KIAA1549: variants seen among roughly 807,000 people sequenced by gnomAD.
KIAA1549 encodes KIAA1549.
In KIAA1549, 70 loss-of-function variants were observed where a neutral mutation model predicts 156.4. That is an observed-to-expected ratio of 0.45 (90% CI 0.37 to 0.55). The LOEUF (loss-of-function observed/expected upper bound fraction) is 0.55, where lower values mean the gene tolerates loss of function less well. Among genes scored for constraint, KIAA1549 ranks in the 20% least tolerant of loss-of-function variants. The pLI, the probability that KIAA1549 is intolerant of heterozygous loss-of-function variation, is 0.00. For synonymous variants in KIAA1549, 1,103 were observed against 1,066.4 expected, an observed-to-expected ratio of 1.03 and a Z score of -0.67; for missense variants, 2,428 against 2,540.9, an observed-to-expected ratio of 0.96 and a Z score of 0.96.
In KIAA1549 at chr7:138,831,438, T is replaced by C. The variant is rs140461573; in HGVS notation, c.*6468A>G. 6 of 204,966 alleles carry C rather than the reference T, an allele frequency of 2.9e-5. No individual in the cohort carries two copies. Among genetic ancestry groups the C allele is most frequent in the Non-Finnish European group, 6.0e-5 (6 of 100,154 alleles). 12.7% of individuals were successfully genotyped at this position (204,966 alleles called of 1,614,324 possible). ...TCCATTTAAAATGCTAGGAAAGCTG[T>C]ATAAATTGTAAACATGGAAACCAAA... On this transcript the variant is annotated 3_prime_UTR_variant, in exon 20 of 20. Coordinates refer to ENST00000422774, the MANE Select transcript of KIAA1549 (RefSeq NM_001164665.2).
chr7:138,870,053 G>A (rs1810882827), intron 13 of KIAA1549, among the ~76,000 whole-genome samples: 1 of 152,038 alleles, frequency 6.6e-6, no homozygotes, highest in African/African-American at 2.4e-5. Flanking sequence ...GTTTCTCTAT[G>A]TTGGCCAGGC....
chr7:138,932,420 C>T (rs567418479), intron 1 of KIAA1549, among the ~76,000 whole-genome samples: 6 of 152,034 alleles, frequency 3.9e-5, no homozygotes, highest in Non-Finnish European at 8.8e-5. Flanking sequence ...TATTTTTAAA[C>T]TCTAAAGTAG....
At chr7:138,894,599 GAGAAACTC>G in intron 9 of KIAA1549, 73 bp from the exon 10 acceptor site, 1 of 1,436,502 alleles carries the variant, frequency 7.0e-7, no homozygotes, top group East Asian at 2.3e-5. Flanking sequence ...TGTCTTCTAT[GAGAAACTC>G]AGAAGTCCCT....
At chr7:138,927,040 T>C (rs1812739559) in intron 1 of KIAA1549, among the ~76,000 whole-genome samples, 1 of 152,228 alleles carries the variant, frequency 6.6e-6, no homozygotes, top group South Asian at 2.1e-4. Flanking sequence ...TCTTCAGCTT[T>C]GTATGTTCTT....
intron 16 of KIAA1549, 55 bp from the exon 17 acceptor site, chr7:138,852,324 G>T: frequency 8.4e-7 from 1 of 1,190,286 alleles, no homozygotes; most frequent in Non-Finnish European, 1.2e-6. Context: ...ATTATAAAGT[G>T]ACAACAGCAA....
chr7:138,901,431 T>C (rs1194351402), intron 8 of KIAA1549, among the ~76,000 whole-genome samples: 2 of 151,870 alleles, frequency 1.3e-5, no homozygotes, highest in African/African-American at 2.4e-5. Context: ...GTTCAAGTGA[T>C]TCTCATGCCT....
At chr7:138,840,109 A>G in intron 19 of KIAA1549, 24 bp downstream of exon 19, 1 of 1,539,928 alleles carries the variant, frequency 6.5e-7, no homozygotes, top group Non-Finnish European at 8.8e-7. Context: ...ATTTTAAATG[A>G]TGACCCAAAC....
intron 1 of KIAA1549, among the ~76,000 whole-genome samples, chr7:138,946,302 C>T (rs976189927): frequency 1.3e-5 from 2 of 152,112 alleles, no homozygotes; most frequent in Non-Finnish European, 2.9e-5. Context: ...TGCAGAGGAA[C>T]CAGTGGCCTT....
At chr7:138,933,982 A>G (rs972206067) in intron 1 of KIAA1549, among the ~76,000 whole-genome samples, 4 of 152,144 alleles carry the variant, frequency 2.6e-5, no homozygotes, top group African/African-American at 7.2e-5. Context: ...AATAATAGTA[A>G]AATAAATAAA....
intron 1 of KIAA1549, among the ~76,000 whole-genome samples, chr7:138,931,773 A>G (rs921855519): frequency 1.8e-3 from 267 of 147,234 alleles, no homozygotes; most frequent in Non-Finnish European, 2.9e-3. Flanking sequence ...AAAAAAAAAA[A>G]GAAGGTCTTG....
At chr7:138,876,388 T>C (rs1405149961) in intron 12 of KIAA1549, 1 of 152,256 alleles carries the variant, frequency 6.6e-6, no homozygotes, top group African/African-American at 2.4e-5. Flanking sequence ...CCAATATGCA[T>C]GTCATCCTTG....
At chr7:138,890,247 G>A (rs6467815) in intron 10 of KIAA1549, among the ~76,000 whole-genome samples, 73,983 of 152,082 alleles carry the variant, frequency 0.49, 19,643 homozygotes, top group African/African-American at 0.71. Flanking sequence ...CATAAATACA[G>A]TACAGCCCAG....
chr7:138,883,853 G>T (rs1811316421), intron 10 of KIAA1549, among the ~76,000 whole-genome samples: 1 of 152,130 alleles, frequency 6.6e-6, no homozygotes, highest in Non-Finnish European at 1.5e-5. Flanking sequence ...ACACTTCTCT[G>T]GTCTTCATCC....
In KIAA1549 at chr7:138,907,083, C is replaced by G; in HGVS notation, c.3296G>C (p.Ser1099Thr). The G allele has an allele frequency of 6.3e-7, 1 of 1,596,274 alleles. No individual in the cohort carries two copies. Among genetic ancestry groups the G allele is most frequent in the East Asian group, 2.2e-5 (1 of 44,460 alleles). ...CCGCCGAGGAGTCACCCTTGAGGAA[C>G]TGATGGTGATATTCAAGATCTGAAA... ...LTVQILNITI[S>T]SSRVTPRRGP... The change falls in exon 6 of 20, where the codon AGT becomes ACT. Residue 1099 changes from serine (S) to threonine (T), a missense_variant. Physicochemically the swap from Ser to Thr is moderately conservative, Grantham distance 58. Transcript: ENST00000422774.
intron 1 of KIAA1549, among the ~76,000 whole-genome samples, chr7:138,948,737 G>A (rs1345986436): frequency 1.3e-5 from 2 of 150,652 alleles, no homozygotes; most frequent in Non-Finnish European, 2.9e-5. Flanking sequence ...TCATTGCCCA[G>A]GCTGGAGTGC....
Position 138,837,876 on chromosome 7 carries a change from A to C in KIAA1549, c.*30T>G, listed in dbSNP as rs766518779. ...TTGGTCTTGCTTCCACAGGAAGCGGATACTTGGCAAATCTGCGAGGCGAGG... is the reference window on the plus strand; with the variant it reads ...TTGGTCTTGCTTCCACAGGAAGCGGCTACTTGGCAAATCTGCGAGGCGAGG... On this transcript the variant is annotated 3_prime_UTR_variant, in exon 20 of 20. Transcript: ENST00000422774. 2.9e-5 allele frequency: 46 copies of C among 1,606,298 alleles called. No individual in the cohort carries two copies. The highest frequency in any genetic ancestry group is 3.8e-5 in the Non-Finnish European group (45 of 1,176,408).
intron 1 of KIAA1549, among the ~76,000 whole-genome samples, chr7:138,966,105 C>T (rs1049854207): frequency 6.6e-5 from 10 of 152,256 alleles, no homozygotes; most frequent in East Asian, 3.9e-4. Context: ...ATCACTGTTA[C>T]GGGTTGAACT....
intron 1 of KIAA1549, among the ~76,000 whole-genome samples, chr7:138,967,910 T>A (rs1226080903): frequency 6.6e-6 from 1 of 152,186 alleles, no homozygotes; most frequent in African/African-American, 2.4e-5. Flanking sequence ...CAGCCTGTCA[T>A]CTGCCTCCAC....
rs1339895746 is a variant in KIAA1549 at position 138,981,344 on chromosome 7, G to C, written c.-75C>G. Reference sequence around the variant, plus strand: ...CGGGAGGGGCGGCCGCTGCGGCTGCGGCTGGGACGGGGCGCCGCGCACCGG... The same window carrying C: ...CGGGAGGGGCGGCCGCTGCGGCTGCCGCTGGGACGGGGCGCCGCGCACCGG... On this transcript the variant is annotated 5_prime_UTR_variant, in exon 1 of 20. Transcript: ENST00000422774. The surrounding 1 kb of genome is among the most constrained non-coding windows in gnomAD (Gnocchi z 4.5). 1 of 587,132 alleles carries C rather than the reference G, an allele frequency of 1.7e-6. No homozygotes were observed. The highest frequency in any genetic ancestry group is 2.0e-5 in the African/African-American group (1 of 49,140). The allele number at this position is 587,132 out of a possible 1,614,324, so 36.4% of individuals were successfully genotyped here. A position where few individuals can be genotyped will look rare whatever the true frequency, so the allele number is the denominator to read the frequency against.
Sources: gnomAD v4.1 joint callset for allele counts (sites outside exome capture counted in the v4.1 genomes callset) on GRCh38, gnomAD v4.1.1 for gene constraint, Gnocchi (gnomAD v3.1) non-coding constraint, MANE v1.5 for transcripts, NCBI Gene and HGNC (gene_info 2026-07-23, HGNC 2026-07-21) for gene names.